LRP8: variants seen among roughly 807,000 people sequenced by gnomAD.
LRP8 encodes low-density lipoprotein receptor-related protein 8.
Under a neutral mutation model 111.6 loss-of-function variants are expected in LRP8, and 46 were observed. The ratio of observed to expected loss-of-function variants is 0.41; its 90% CI spans 0.33 to 0.53. The LOEUF (loss-of-function observed/expected upper bound fraction) is 0.53, where lower values mean the gene tolerates loss of function less well. LRP8 is among the 20% of genes least tolerant of loss of function. LRP8 has a pLI of 0.20. For synonymous variants in LRP8, 464 were observed against 511.2 expected (o/e 0.91, Z 1.24); for missense variants, 959 against 1,297.4 (o/e 0.74, Z 4.01).
At chr1:53,277,800 C>T (rs552950725) in intron 4 of LRP8, among the ~76,000 whole-genome samples, 35 of 152,348 alleles carry the variant, frequency 2.3e-4, no homozygotes, top group Non-Finnish European at 4.4e-4. Flanking sequence ...CTGAGCCCCT[C>T]AGTCGCGCAG....
chr1:53,298,524 G>A (rs1391276023), intron 2 of LRP8, among the ~76,000 whole-genome samples: 1 of 152,196 alleles, frequency 6.6e-6, no homozygotes, highest in Non-Finnish European at 1.5e-5. Flanking sequence ...CCCCACCCTG[G>A]GTTTTGGCAC....
At chr1:53,291,637 C>T (rs1648789725) in intron 2 of LRP8, among the ~76,000 whole-genome samples, 1 of 152,174 alleles carries the variant, frequency 6.6e-6, no homozygotes, top group African/African-American at 2.4e-5. Flanking sequence ...CCCTGAATGT[C>T]CTTCTAGGGC....
chr1:53,294,978 G>T lies in LRP8; in HGVS notation c.245-5289C>A, dbSNP rs372302127. 6.6e-6 allele frequency among the ~76,000 whole-genome samples: 1 copy of T among 152,212 alleles called. No homozygotes were observed. Among genetic ancestry groups the T allele is most frequent in the African/African-American group, 2.4e-5 (1 of 41,458 alleles). The stretch of plus-strand genomic sequence containing the variant: ...CTTGGCAATCCGAATGTCCTGCCGT[G>T]TTGGACTCCAGGGTCTTGAGGCCCC... On this transcript the variant is annotated intron_variant, in intron 2 of 18. Coordinates refer to ENST00000306052, the MANE Select transcript of LRP8 (RefSeq NM_004631.5). The surrounding 1 kb of genome is among the most constrained non-coding windows in gnomAD (Gnocchi z 4.1).
Position 53,275,728 on chromosome 1 carries a change from C to G in LRP8, c.909G>C (p.Glu303Asp), listed in dbSNP as rs1316938108. 1.9e-6 allele frequency: 3 copies of G among 1,613,942 alleles called. No individual in the cohort carries two copies. Among genetic ancestry groups the G allele is most frequent in the Admixed American group, 3.3e-5 (2 of 59,994 alleles). Residue 303 changes from glutamate to aspartate, a missense_variant, in exon 6 of 19, where the codon GAG (glutamate) becomes GAC (aspartate). Physicochemically the swap from Glu to Asp is conservative, Grantham distance 45. Around this residue, in one of 3 missense-constraint regions of LRP8, gnomAD observed 819 missense variants for 1,097.6 expected, o/e 0.75. Transcript: ENST00000306052. This position sits in a 1 kb window ranked among gnomAD's most constrained non-coding sequence, Gnocchi z 4.4. ...DCPLGTCRGD[E>D]FQCGDGTCVL... ...CACATGTCCCATCCCCACACTGGAA[C>G]TCGTCCCCACGGCAGGTGCCCAGTG...
Position 53,327,084 on chromosome 1 carries a change from G to A in LRP8, c.125-92C>T, listed in dbSNP as rs1655238444. The stretch of plus-strand genomic sequence containing the variant: ...GCCACCCGGAAGGACCCGCTGGGGA[G>A]GAGGAAAGGGGGCGATTATGGAGAC... On this transcript the variant is annotated intron_variant, in intron 1 of 18. Coordinates refer to ENST00000306052, the MANE Select transcript of LRP8 (RefSeq NM_004631.5). 5.9e-6 allele frequency: 9 copies of A among 1,534,224 alleles called. No homozygotes were observed. The South Asian group carries it at 1.1e-4, about 19-fold the overall frequency.
chr1:53,286,441 A>G (rs1282121642), intron 3 of LRP8, among the ~76,000 whole-genome samples: 1 of 152,152 alleles, frequency 6.6e-6, no homozygotes, highest in Non-Finnish European at 1.5e-5. Flanking sequence ...CTCCATATTC[A>G]AATAAATAGC....
At chr1:53,319,401 G>A (rs555379403) in intron 2 of LRP8, among the ~76,000 whole-genome samples, 54 of 152,268 alleles carry the variant, frequency 3.5e-4, no homozygotes, top group Non-Finnish European at 6.3e-4. Flanking sequence ...AGGGGCAGGC[G>A]TGTAGAGGCC....
chr1:53,277,146 C>T (rs1173072845), intron 4 of LRP8, 68 bp from the exon 5 acceptor site: 9 of 1,370,388 alleles, frequency 6.6e-6, no homozygotes, highest in Non-Finnish European at 7.5e-6. Flanking sequence ...CCCGCTGGTC[C>T]GGCTACAGGG....
In LRP8 at chr1:53,243,932, C is replaced by T. The variant is rs1645683335; in HGVS notation, c.*3086G>A. 1 of 152,118 alleles carries T rather than the reference C, an allele frequency of 6.6e-6. No homozygotes were observed. The highest frequency in any genetic ancestry group is 2.4e-5 in the African/African-American group (1 of 41,426). 9.4% of individuals were successfully genotyped at this position (152,118 alleles called of 1,614,324 possible). A position where few individuals can be genotyped will look rare whatever the true frequency, so the allele number is the denominator to read the frequency against. On this transcript the variant is annotated 3_prime_UTR_variant, in exon 19 of 19. Transcript: ENST00000306052. ...TAAAGTCAGAACATGTGTGACTGAC[C>T]TTTACATCTGCAGTGCCAGGTGTGT...
rs1271157148 is a variant in LRP8, at chr1:53,276,840, G to A, written c.735C>T (p.Cys245=). Residue 245 remains cysteine (C), a synonymous_variant, in exon 5 of 19, where the codon TGC becomes TGT. Transcript: ENST00000306052. ...EDRSDEAAEL[C]GRPGPGATSA... is the part of the protein sequence containing the mutation. ...ACGTGGCCCCGGGGCCCGGACGGCC[G>A]CAGAGCTCGGCTGCCTCGTCCGAGC... 7.8e-7 allele frequency: 1 copy of A among 1,288,142 alleles called. No homozygotes were observed. Among genetic ancestry groups the A allele is most frequent in the Non-Finnish European group, 9.8e-7 (1 of 1,015,768 alleles). The allele number at this position is 1,288,142 out of a possible 1,614,324, so 79.8% of individuals were successfully genotyped here. A position where few individuals can be genotyped will look rare whatever the true frequency, so the allele number is the denominator to read the frequency against.
chr1:53,326,454 A>G, intron 2 of LRP8, among the ~76,000 whole-genome samples: 1 of 152,182 alleles, frequency 6.6e-6, no homozygotes, highest in Non-Finnish European at 1.5e-5. Context: ...CAGGAAAAGG[A>G]GCGCAGTGCG....
intron 2 of LRP8, among the ~76,000 whole-genome samples, chr1:53,311,578 G>A (rs901931981): frequency 2.6e-5 from 4 of 151,856 alleles, no homozygotes; most frequent in African/African-American, 9.7e-5. Context: ...GAGCGATACT[G>A]CGTGGACCCT....
intron 8 of LRP8, among the ~76,000 whole-genome samples, chr1:53,270,789 T>C (rs1415621582): frequency 6.6e-6 from 1 of 152,220 alleles, no homozygotes; most frequent in Admixed American, 6.5e-5. Flanking sequence ...GTCAGCCTGC[T>C]CCTGTCTTAG....
rs1221321420 is a variant in LRP8 at position 53,293,971 on chromosome 1, A to G, written c.245-4282T>C. Among the ~76,000 whole-genome samples the G allele has an allele frequency of 1.3e-5, 2 of 152,224 alleles. No homozygotes were observed. The highest frequency in any genetic ancestry group is 2.9e-5 in the Non-Finnish European group (2 of 68,034). On this transcript the variant is annotated intron_variant, in intron 2 of 18. Transcript: ENST00000306052. The surrounding 1 kb of genome is among the most constrained non-coding windows in gnomAD (Gnocchi z 4.9). ...ACCCAGTGTCAGGCCGTTCAGTGCA[A>G]TGAGCCCAATAGTCCCTCGTGAAGA...
chr1:53,243,160 G>A lies in LRP8; in HGVS notation c.*3858C>T, dbSNP rs559831905. 8.5e-5 allele frequency: 13 copies of A among 152,294 alleles called. No homozygotes were observed. In the South Asian group the frequency reaches 1.2e-3, roughly 15 times the overall value. The allele number at this position is 152,294 out of a possible 1,614,324, so 9.4% of individuals were successfully genotyped here. On this transcript the variant is annotated 3_prime_UTR_variant, in exon 19 of 19. Coordinates refer to ENST00000306052, the MANE Select transcript of LRP8 (RefSeq NM_004631.5). ...ATTTATATTTTGTGAAACGATGAGTGTATGGCTGGAGTTCGGGGGGTAGGG... is the reference window on the plus strand; with the variant it reads ...ATTTATATTTTGTGAAACGATGAGTATATGGCTGGAGTTCGGGGGGTAGGG...
At position 53,276,928 on chromosome 1, in the gene LRP8, T is replaced by A; in HGVS notation, c.647A>T (p.Asp216Val). Reference protein sequence around the residue: ...CGPREFRCGGDGGGACIPERW... With the variant: ...CGPREFRCGGVGGGACIPERW... ...CTCCGGGATGCAGGCGCCGCCGCCATCGCCGCCGCAGCGGAACTCGCGGGG... is the reference window on the plus strand; with the variant it reads ...CTCCGGGATGCAGGCGCCGCCGCCAACGCCGCCGCAGCGGAACTCGCGGGG... The change falls in exon 5 of 19, where the codon GAT (aspartate) becomes GTT (valine). Residue 216 changes from aspartate to valine, a missense_variant. Around this residue, in one of 3 missense-constraint regions of LRP8, gnomAD observed 819 missense variants for 1,097.6 expected, o/e 0.75. Transcript: ENST00000306052. 2 of 1,445,090 alleles carry A rather than the reference T, an allele frequency of 1.4e-6. No homozygotes were observed. Among genetic ancestry groups the A allele is most frequent in the South Asian group, 2.6e-5 (2 of 78,038 alleles). The allele number at this position is 1,445,090 out of a possible 1,614,324, so 89.5% of individuals were successfully genotyped here.
At chr1:53,258,606 TTTTC>T (rs1646201819) in intron 13 of LRP8, 135 bp from the exon 14 acceptor site, 1 of 736,270 alleles carries the variant, frequency 1.4e-6, no homozygotes, top group South Asian at 2.1e-5. Flanking sequence ...TTTTTTTTCT[TTTTC>T]TTTCTTTTTT....
In LRP8 at chr1:53,249,315, C is replaced by T. The variant is rs1645821657; in HGVS notation, c.2853+65G>A. ...AAACCAGAAAGCCTTCTAGGATTGG[C>T]TGCGCCTGCCTTGGTTCATGCCCTC... On this transcript the variant is annotated intron_variant, in intron 18 of 18. Transcript: ENST00000306052. This position sits in a 1 kb window ranked among gnomAD's most constrained non-coding sequence, Gnocchi z 4.1. 1.3e-6 allele frequency: 2 copies of T among 1,540,448 alleles called. No individual in the cohort carries two copies. Among genetic ancestry groups the T allele is most frequent in the African/African-American group, 1.4e-5 (1 of 72,700 alleles).
Position 53,293,425 on chromosome 1 carries a change from A to G in LRP8, c.245-3736T>C, listed in dbSNP as rs1282486780. ...GGCTCTGGCCTGGCACCTTTCACCCAATATCCCAGTGACTCCTCACAGCTA... is the reference window on the plus strand; with the variant it reads ...GGCTCTGGCCTGGCACCTTTCACCCGATATCCCAGTGACTCCTCACAGCTA... On this transcript the variant is annotated intron_variant, in intron 2 of 18. Transcript: ENST00000306052. This position sits in a 1 kb window ranked among gnomAD's most constrained non-coding sequence, Gnocchi z 4.9. Among the ~76,000 whole-genome samples the G allele has an allele frequency of 6.6e-6, 1 of 152,196 alleles. No homozygotes were observed. Among genetic ancestry groups the G allele is most frequent in the African/African-American group, 2.4e-5 (1 of 41,448 alleles).
Sources: gnomAD v4.1 joint callset for allele counts (sites outside exome capture counted in the v4.1 genomes callset) on GRCh38, gnomAD v4.1.1 for gene constraint, gnomAD v4.1.1 regional missense constraint, Gnocchi (gnomAD v3.1) non-coding constraint, MANE v1.5 for transcripts, NCBI Gene and HGNC (gene_info 2026-07-23, HGNC 2026-07-21) for gene names.